Variants in NCOR2 observed in about 807,000 individuals in gnomAD.
NCOR2 encodes the protein CTG repeat protein 26.
A neutral mutation model predicts 262.9 loss-of-function variants in NCOR2; 81 were observed. That is an observed-to-expected ratio of 0.31 (90% CI 0.26 to 0.37). The LOEUF (loss-of-function observed/expected upper bound fraction) is 0.37, where lower values mean the gene tolerates loss of function less well. Among genes scored for constraint, NCOR2 ranks in the 10% least tolerant of loss-of-function variants. The pLI is 1.00. For missense variants in NCOR2, 3,385 were observed against 3,621.4 expected, an observed-to-expected ratio of 0.93 and a Z score of 1.68; for synonymous variants, 1,659 against 1,559.3, an observed-to-expected ratio of 1.06 and a Z score of -1.51.
rs979079274 is a variant in NCOR2 at position 124,549,157 on chromosome 12, T to C, written c.-164-13546A>G. On this transcript the variant is annotated intron_variant, in intron 1 of 32. Coordinates refer to the NCOR2 transcript ENST00000458234. This position sits in a 1 kb window ranked among gnomAD's most constrained non-coding sequence, Gnocchi z 4.4. ...CCAGGGAGCTAACCTCTCTGAGCCT[T>C]CGCTGCTTGCCTGGCAATGATGATG... Among the ~76,000 whole-genome samples, 1 of 152,062 alleles carries C rather than the reference T, an allele frequency of 6.6e-6. No homozygotes were observed. The highest frequency in any genetic ancestry group is 1.9e-4 in the East Asian group (1 of 5,198).
At chr12:124,456,772 G>A (rs926849403) in intron 6 of NCOR2, among the ~76,000 whole-genome samples, 2 of 152,168 alleles carry the variant, frequency 1.3e-5, no homozygotes, top group African/African-American at 2.4e-5. Flanking sequence ...GGCTCTCCGC[G>A]CTCAGCTGGA....
intron 13 of NCOR2, among the ~76,000 whole-genome samples, chr12:124,408,328 T>C (rs1306213358): frequency 1.3e-5 from 2 of 151,590 alleles, no homozygotes; most frequent in Admixed American, 1.3e-4. Context: ...CACTGCAGCC[T>C]GGGTGACAGA....
At chr12:124,525,217 G>A (rs971006168) in intron 1 of NCOR2, among the ~76,000 whole-genome samples, 3 of 152,234 alleles carry the variant, frequency 2.0e-5, no homozygotes, top group Non-Finnish European at 2.9e-5. Context: ...CATGGTGGCC[G>A]GAGGGCCTTC....
intron 13 of NCOR2, among the ~76,000 whole-genome samples, chr12:124,405,844 C>T (rs766584306): frequency 6.6e-6 from 1 of 152,162 alleles, no homozygotes; most frequent in East Asian, 1.9e-4. Flanking sequence ...GGCTGGGCTG[C>T]TGGGTCTTGG....
At chr12:124,451,920 C>A (rs1403443397) in intron 6 of NCOR2, among the ~76,000 whole-genome samples, 1 of 150,006 alleles carries the variant, frequency 6.7e-6, no homozygotes, top group African/African-American at 2.4e-5. Context: ...GACAATGTCG[C>A]CTTTCCCCCT....
chr12:124,550,816 G>A (rs141874977), intron 1 of NCOR2, among the ~76,000 whole-genome samples: 2,318 of 152,300 alleles, frequency 0.015, 36 homozygotes, highest in Non-Finnish European at 0.024. Flanking sequence ...GAGCACCCCT[G>A]GCATCACCAG....
At chr12:124,367,109 T>G (rs1020181429) in intron 20 of NCOR2, among the ~76,000 whole-genome samples, 3 of 152,214 alleles carry the variant, frequency 2.0e-5, no homozygotes, top group African/African-American at 7.2e-5. Context: ...CACTGTCCCA[T>G]GCAGTCTGCC....
At chr12:124,325,392 C>CCCCCCCGGGGGGG in exon 47 of NCOR2, 1 of 1,152,268 alleles carries the variant, frequency 8.7e-7, no homozygotes, top group Non-Finnish European at 1.1e-6. Context: ...CCCCCCCGCC[C>CCCCCCCGGGGGGG]TGTTCTGAGT....
Position 124,430,706 on chromosome 12 carries a change from G to A in NCOR2, c.964C>T (p.Arg322Trp), listed in dbSNP as rs750536452. Residue 322 changes from arginine to tryptophan, a missense_variant, in exon 9 of 47, where the codon CGG becomes TGG. Coordinates refer to ENST00000405201, the Ensembl canonical transcript of NCOR2. Reference sequence around the variant, plus strand: ...CGCACCTTGCTCTCCTTGGCCCGCCGCCGGGGGTTGTTCTCGATGCGCTCC... The same window carrying A: ...CGCACCTTGCTCTCCTTGGCCCGCCACCGGGGGTTGTTCTCGATGCGCTCC... 4.1e-5 allele frequency: 66 copies of A among 1,614,052 alleles called. No individual in the cohort carries two copies. Among genetic ancestry groups the A allele is most frequent in the Non-Finnish European group, 5.4e-5 (64 of 1,180,020 alleles).
chr12:124,337,937 G>T (rs1158023594), intron 37 of NCOR2, among the ~76,000 whole-genome samples: 2 of 152,172 alleles, frequency 1.3e-5, no homozygotes, highest in East Asian at 1.9e-4. Context: ...GCAGGCACTC[G>T]TTTTCTCCAT....
chr12:124,350,784 C>T, intron 27 of NCOR2, 47 bp from the exon 30 acceptor site: 1 of 1,569,018 alleles, frequency 6.4e-7, no homozygotes, highest in Non-Finnish European at 8.6e-7. Context: ...AGCCCAGGAC[C>T]CCTCTCAACT....
chr12:124,336,650 G>A (rs1167581072), intron 38 of NCOR2, 103 bp downstream of exon 40: 17 of 1,517,436 alleles, frequency 1.1e-5, no homozygotes, highest in Non-Finnish European at 1.4e-5. Flanking sequence ...ATCGCGAGGG[G>A]AGCCGTTGGC....
intron 20 of NCOR2, among the ~76,000 whole-genome samples, chr12:124,365,839 G>A (rs960133455): frequency 1.3e-5 from 2 of 151,694 alleles, no homozygotes; most frequent in East Asian, 1.9e-4. Context: ...TGCTCTCCCC[G>A]CCATCCTCAA....
Position 124,340,106 on chromosome 12 carries a change from G to C in NCOR2, c.5587C>G (p.Arg1863Gly), listed in dbSNP as rs373538771. Residue 1863 changes from arginine (R) to glycine (G), a missense_variant, in exon 37 of 47, where the codon CGG becomes GGG. Physicochemically the swap from Arg to Gly is moderately radical, Grantham distance 125 (BLOSUM62 -2). Transcript: ENST00000405201. ...CTCTGCTGGAGGGCATCCTGGGTCC[G>C]AGGGGAGATGGGCGAGTGCTGGTGG... The C allele has an allele frequency of 1.6e-5, 25 of 1,612,674 alleles. No homozygotes were observed. Among genetic ancestry groups the C allele is most frequent in the Non-Finnish European group, 2.0e-5 (24 of 1,179,992 alleles).
chr12:124,413,302 G>C (rs1400530920), intron 13 of NCOR2, among the ~76,000 whole-genome samples: 3 of 152,230 alleles, frequency 2.0e-5, no homozygotes, highest in Non-Finnish European at 2.9e-5. Flanking sequence ...AGGGCAGTCT[G>C]GGGTGTTGAG....
chr12:124,403,356 C>T (rs1266450290), intron 13 of NCOR2, among the ~76,000 whole-genome samples: 1 of 152,176 alleles, frequency 6.6e-6, no homozygotes, highest in Non-Finnish European at 1.5e-5. Flanking sequence ...AGCCTCCTTA[C>T]TTGGGCCTCT....
At chr12:124,539,940 G>C (rs148239947), upstream of NCOR2, among the ~76,000 whole-genome samples, 108 of 152,186 alleles carry the variant, frequency 7.1e-4, no homozygotes, top group African/African-American at 2.3e-3. The surrounding 1 kb of genome is among the most constrained non-coding windows in gnomAD (Gnocchi z 5.1). Flanking sequence ...AGCTGCAAGA[G>C]GCAGAGCCAG....
chr12:124,430,838 G>A (rs370056517), intron 8 of NCOR2, 51 bp from the exon 11 acceptor site: 56 of 1,544,430 alleles, frequency 3.6e-5, no homozygotes, highest in Non-Finnish European at 4.1e-5. Context: ...CCTGGCACCC[G>A]CCGCCTCCCC....
exon 30 of NCOR2, chr12:124,347,825 C>G: frequency 6.4e-7 from 1 of 1,562,362 alleles, no homozygotes; most frequent in South Asian, 1.2e-5. Flanking sequence ...AGGGCAGTAC[C>G]TTGTGTGATG....
Sources: gnomAD v4.1 joint callset for allele counts (sites outside exome capture counted in the v4.1 genomes callset) on GRCh38, gnomAD v4.1.1 for gene constraint, Gnocchi (gnomAD v3.1) non-coding constraint, MANE v1.5 for transcripts, NCBI Gene and HGNC (gene_info 2026-07-23, HGNC 2026-07-21) for gene names.